JPT1: variants seen among roughly 807,000 people sequenced by gnomAD.
JPT1 encodes the protein Jupiter microtubule associated homolog 1.
JPT1 carries 5 observed loss-of-function variants against 17.0 expected under a neutral mutation model. The ratio of observed to expected loss-of-function variants is 0.29; its 90% CI spans 0.15 to 0.62. The LOEUF (loss-of-function observed/expected upper bound fraction) is 0.62, where lower values mean the gene tolerates loss of function less well. JPT1 is among the 20% of genes least tolerant of loss of function. JPT1 has a pLI of 0.85. For missense variants in JPT1, 158 were observed against 188.1 expected, an observed-to-expected ratio of 0.84 and a Z score of 0.94; for synonymous variants, 71 against 73.6, an observed-to-expected ratio of 0.96 and a Z score of 0.18.
At chr17:75,150,629 C>T (rs1453946397) in intron 1 of JPT1, among the ~76,000 whole-genome samples, 3 of 151,990 alleles carry the variant, frequency 2.0e-5, no homozygotes, top group Non-Finnish European at 4.4e-5. Flanking sequence ...CTCAGGTGAT[C>T]CGCCTGCCTC....
chr17:75,143,973 T>C (rs1009395133), intron 4 of JPT1, among the ~76,000 whole-genome samples: 1 of 151,984 alleles, frequency 6.6e-6, no homozygotes, highest in Non-Finnish European at 1.5e-5. Flanking sequence ...TAGTGAGCAA[T>C]GAGATTGTGC....
chr17:75,151,392 T>C (rs1478200126), intron 1 of JPT1, among the ~76,000 whole-genome samples: 1 of 151,908 alleles, frequency 6.6e-6, no homozygotes, highest in Non-Finnish European at 1.5e-5. Context: ...GAGCGGTGGC[T>C]CATGCCTGTA....
chr17:75,136,507 G>GT (rs2074201284), intron 4 of JPT1, among the ~76,000 whole-genome samples: 1 of 151,668 alleles, frequency 6.6e-6, no homozygotes, highest in African/African-American at 2.4e-5. Context: ...GTTTTGTTTT[G>GT]TTTTTTGACG....
chr17:75,146,756 T>A, intron 3 of JPT1, 72 bp from the exon 4 acceptor site: 1 of 934,060 alleles, frequency 1.1e-6, no homozygotes, highest in Non-Finnish European at 1.7e-6. Context: ...TCATAGTTCA[T>A]AGCAGCTAAC....
At chr17:75,138,237 A>ACAG (rs1392218116) in intron 4 of JPT1, among the ~76,000 whole-genome samples, 1 of 152,124 alleles carries the variant, frequency 6.6e-6, no homozygotes, top group East Asian at 1.9e-4. Flanking sequence ...TGCTGGGATT[A>ACAG]CAGGCGTGAG....
At chr17:75,146,375 ACTC>A (rs1398318265) in intron 4 of JPT1, 2 of 288,944 alleles carry the variant, frequency 6.9e-6, no homozygotes, top group Admixed American at 1.0e-4. Context: ...CTGGTCTTGA[ACTC>A]CTGGGCTCAA....
At chr17:75,142,281 C>G (rs771696330) in intron 4 of JPT1, among the ~76,000 whole-genome samples, 5 of 151,278 alleles carry the variant, frequency 3.3e-5, no homozygotes, top group African/African-American at 9.7e-5. Flanking sequence ...TAGAACCGGC[C>G]GGGCCTGGTG....
chr17:75,149,862 T>TACACACACACACACACAC lies in JPT1; in HGVS notation c.57-1209_57-1192dup, dbSNP rs58993126. Among the ~76,000 whole-genome samples, 44 of 147,596 alleles carry TACACACACACACACACAC rather than the reference T, an allele frequency of 3.0e-4. 1 individual carries two copies. The highest frequency in any genetic ancestry group is 1.1e-3 in the African/African-American group (44 of 39,706). ...CCCCATCTCTAATCACTTACACACT[T>TACACACACACACACACAC]ACACACACACACACACACACACTTA... On this transcript the variant is annotated intron_variant, in intron 1 of 4. Transcript: ENST00000409753.
At chr17:75,141,921 T>C (rs113837776) in intron 4 of JPT1, among the ~76,000 whole-genome samples, 3 of 151,444 alleles carry the variant, frequency 2.0e-5, no homozygotes, top group African/African-American at 7.3e-5. Context: ...GTAAAAAAAA[T>C]AGCCAGCTGT....
At chr17:75,142,059 GCT>G (rs1225663263) in intron 4 of JPT1, among the ~76,000 whole-genome samples, 1 of 151,920 alleles carries the variant, frequency 6.6e-6, no homozygotes, top group Non-Finnish European at 1.5e-5. Context: ...ACAGAGCAAG[GCT>G]CTGTCTCGAA....
chr17:75,150,567 T>C lies in JPT1; in HGVS notation c.57-1896A>G, dbSNP rs576690648. 5.9e-5 allele frequency among the ~76,000 whole-genome samples: 9 copies of C among 152,008 alleles called. 1 individual carries two copies. The South Asian group carries it at 1.9e-3, about 32-fold the overall frequency. On this transcript the variant is annotated intron_variant, in intron 1 of 4. Coordinates refer to ENST00000409753, the MANE Select transcript of JPT1 (RefSeq NM_016185.4). ...GCACCTGGCCTAATTGTTGTATTTT[T>C]AGTAAAGACAGGGTTTCACCATGTT...
Position 75,136,213 on chromosome 17 carries a change from C to G in JPT1, c.354G>C (p.Gln118His), listed in dbSNP as rs1311936574. The change falls in exon 5 of 5, where the codon CAG becomes CAC. Residue 118 changes from glutamine (Q) to histidine (H), a missense_variant. Transcript: ENST00000409753. ...CAGCAGGCACGGGCTTCTCTTCACT[C>G]TGCCCCAGGCTGCCTGGCAAGTCTG... ...VDTDLPGSLG[Q>H]SEEKPVPAAP... is the part of the protein sequence containing the mutation. 2.5e-6 allele frequency: 4 copies of G among 1,603,386 alleles called. No individual in the cohort carries two copies. Among genetic ancestry groups the G allele is most frequent in the Admixed American group, 3.4e-5 (2 of 58,260 alleles).
chr17:75,148,778 C>G, intron 1 of JPT1, 107 bp from the exon 2 acceptor site: 3 of 1,286,320 alleles, frequency 2.3e-6, no homozygotes, highest in Non-Finnish European at 3.2e-6. Flanking sequence ...TCATCTCCCT[C>G]ACCCCTACAA....
chr17:75,148,748 A>G, intron 1 of JPT1, 77 bp from the exon 2 acceptor site: 1 of 1,536,720 alleles, frequency 6.5e-7, no homozygotes, highest in Non-Finnish European at 8.9e-7. Flanking sequence ...GACAACTTTC[A>G]TTTCACTTTC....
intron 4 of JPT1, among the ~76,000 whole-genome samples, chr17:75,141,693 A>G (rs532767893): frequency 4.1e-4 from 63 of 152,046 alleles, no homozygotes; most frequent in African/African-American, 1.4e-3. Flanking sequence ...CCAGATAACC[A>G]CTGGGGGGAA....
chr17:75,146,531 A>T (rs1261037367), intron 4 of JPT1, 135 bp downstream of exon 4: 1 of 623,196 alleles, frequency 1.6e-6, no homozygotes, highest in Non-Finnish European at 2.9e-6. Flanking sequence ...CTGGCAGATT[A>T]GAGTATGGCG....
At chr17:75,148,805 G>A in intron 1 of JPT1, 134 bp from the exon 2 acceptor site, 3 of 1,081,756 alleles carry the variant, frequency 2.8e-6, no homozygotes, top group South Asian at 3.3e-5. Context: ...GCTGCTAACA[G>A]GAAAAAAGAA....
chr17:75,137,685 C>CAT, intron 4 of JPT1, among the ~76,000 whole-genome samples: 2 of 112,846 alleles, frequency 1.8e-5, no homozygotes, highest in East Asian at 5.4e-4. Flanking sequence ...CCTAGTTTTC[C>CAT]TTTTTTTTTT....
At chr17:75,136,342 T>C in intron 4 of JPT1, 92 bp from the exon 5 acceptor site, 1 of 1,331,108 alleles carries the variant, frequency 7.5e-7, no homozygotes, top group Non-Finnish European at 1.0e-6. Context: ...TTTTTTTTGG[T>C]TTGATGGTTG....
Sources: allele counts gnomAD v4.1 joint callset (sites outside exome capture counted in the v4.1 genomes callset), GRCh38; gene constraint gnomAD v4.1.1; transcripts MANE v1.5; gene names NCBI Gene and HGNC (gene_info 2026-07-23, HGNC 2026-07-21).